DAPK1: variants seen among roughly 807,000 people sequenced by gnomAD.
DAPK1 encodes death-associated protein kinase 1.
DAPK1 carries 56 observed loss-of-function variants against 144.9 expected under a neutral mutation model. That is an observed-to-expected ratio of 0.39 (90% confidence interval 0.31 to 0.48). DAPK1 has a LOEUF of 0.48. Among genes scored for constraint, DAPK1 ranks in the 20% least tolerant of loss-of-function variants. The pLI is 0.95. For synonymous variants in DAPK1, 690 were observed against 749.0 expected (o/e 0.92, Z 1.29); for missense variants, 1,454 against 1,875.4 (o/e 0.78, Z 4.15).
intron 2 of DAPK1, among the ~76,000 whole-genome samples, chr9:87,532,681 A>G (rs557664834): frequency 1.3e-5 from 2 of 152,338 alleles, no homozygotes; most frequent in East Asian, 3.9e-4. Flanking sequence ...GGAGCCAGGC[A>G]TTCATAATAG....
intron 2 of DAPK1, among the ~76,000 whole-genome samples, chr9:87,563,820 C>T (rs1429911512): frequency 6.6e-6 from 1 of 152,172 alleles, no homozygotes; most frequent in Non-Finnish European, 1.5e-5. Context: ...GCCCATGTTG[C>T]AACCCACAGA....
intron 2 of DAPK1, among the ~76,000 whole-genome samples, chr9:87,562,780 A>G (rs931972044): frequency 1.3e-5 from 2 of 152,256 alleles, no homozygotes; most frequent in African/African-American, 4.8e-5. Context: ...TCATCAAATA[A>G]TAGCATGTCA....
chr9:87,578,416 C>G (rs980308988), intron 2 of DAPK1, among the ~76,000 whole-genome samples: 2 of 152,196 alleles, frequency 1.3e-5, no homozygotes, highest in Admixed American at 1.3e-4. Context: ...GAATGTCATT[C>G]TTTTCTTCCA....
rs557781266 is a variant in DAPK1, at chr9:87,653,974, A to G, written c.1824+2250A>G. 1.3e-3 allele frequency among the ~76,000 whole-genome samples: 191 copies of G among 152,338 alleles called. 1 individual carries two copies. Among genetic ancestry groups the G allele is most frequent in the African/African-American group, 4.3e-3 (179 of 41,580 alleles). ...CCCCCAATGTGCTGGGTTTACAGGC[A>G]TGAGCCATCACACCTGGCCCTATAT... On this transcript the variant is annotated intron_variant, in intron 17 of 25. Transcript: ENST00000408954.
At chr9:87,583,052 A>G (rs1012836873) in intron 2 of DAPK1, among the ~76,000 whole-genome samples, 1 of 152,146 alleles carries the variant, frequency 6.6e-6, no homozygotes, top group Non-Finnish European at 1.5e-5. Flanking sequence ...GGGTATATAC[A>G]GTTGGCCACT....
At chr9:87,556,208 G>T (rs1462135050) in intron 2 of DAPK1, among the ~76,000 whole-genome samples, 2 of 152,150 alleles carry the variant, frequency 1.3e-5, no homozygotes, top group Non-Finnish European at 2.9e-5. Flanking sequence ...TGTGTGGGCT[G>T]GCATTGTTCT....
chr9:87,506,336 T>C (rs1256558233), intron 2 of DAPK1, among the ~76,000 whole-genome samples: 1 of 152,226 alleles, frequency 6.6e-6, no homozygotes, highest in Non-Finnish European at 1.5e-5. Flanking sequence ...GGCAACAGGG[T>C]CTGCCCTTTG....
At chr9:87,612,139 C>T (rs1356057489) in intron 3 of DAPK1, among the ~76,000 whole-genome samples, 1 of 152,144 alleles carries the variant, frequency 6.6e-6, no homozygotes, top group Non-Finnish European at 1.5e-5. Context: ...TGGAGGAGCC[C>T]TTATGGCCTA....
chr9:87,549,256 C>T (rs1175211507), intron 2 of DAPK1, among the ~76,000 whole-genome samples: 1 of 152,140 alleles, frequency 6.6e-6, no homozygotes, highest in South Asian at 2.1e-4. Context: ...CATGTCCCTG[C>T]AGAGGACATG....
At position 87,707,207 on chromosome 9, in the gene DAPK1, A is replaced by T. The variant is rs753574172; in HGVS notation, c.4136A>T (p.Lys1379Ile). The T allele has an allele frequency of 1.9e-6, 3 of 1,614,040 alleles. No homozygotes were observed. In the East Asian group the frequency reaches 6.7e-5, roughly 36 times the overall value. ...AGCACAGTGGGCACCCTCATGTCCA[A>T]ACTGAGGGAGCTGGGTCGCCGGGAT... ...PESTVGTLMS[K>I]LRELGRRDAA... Residue 1379 changes from lysine to isoleucine, a missense_variant, in exon 26 of 26, where the codon AAA (lysine) becomes ATA (isoleucine). Lys to Ile is a moderately radical substitution (Grantham distance 102). Transcript: ENST00000408954. This position sits in a 1 kb window ranked among gnomAD's most constrained non-coding sequence, Gnocchi z 4.0.
intron 2 of DAPK1, among the ~76,000 whole-genome samples, chr9:87,536,371 G>A (rs1197513429): frequency 1.3e-5 from 2 of 152,288 alleles, no homozygotes; most frequent in East Asian, 1.9e-4. Context: ...GCGTGAGCAT[G>A]TGACCCATGT....
At chr9:87,668,765 G>A (rs1831150085) in intron 19 of DAPK1, 91 bp downstream of exon 19, 2 of 837,942 alleles carry the variant, frequency 2.4e-6, no homozygotes, top group Non-Finnish European at 4.2e-6. Flanking sequence ...TGAGCAAAAT[G>A]AGGCTCTAGA....
At chr9:87,590,574 GT>G (rs1828094775) in intron 2 of DAPK1, among the ~76,000 whole-genome samples, 1 of 151,380 alleles carries the variant, frequency 6.6e-6, no homozygotes, top group Non-Finnish European at 1.5e-5. Context: ...TGAATAATTT[GT>G]GCTACTTAAA....
intron 2 of DAPK1, among the ~76,000 whole-genome samples, chr9:87,505,233 A>T (rs1824541779): frequency 1.3e-5 from 2 of 152,214 alleles, no homozygotes; most frequent in Non-Finnish European, 2.9e-5. Flanking sequence ...ATGAGTACCT[A>T]ACATTTTGTA....
At chr9:87,667,647 T>G (rs1029904328) in intron 18 of DAPK1, 3 of 152,208 alleles carry the variant, frequency 2.0e-5, no homozygotes, top group Non-Finnish European at 4.4e-5. Context: ...TCCCTAAGCT[T>G]CTACAAGGAT....
intron 2 of DAPK1, among the ~76,000 whole-genome samples, chr9:87,510,901 A>T (rs1222953577): frequency 1.3e-5 from 2 of 152,240 alleles, no homozygotes; most frequent in African/African-American, 4.8e-5. Flanking sequence ...TGTCTGTGAT[A>T]TGTATAAAGT....
At position 87,546,484 on chromosome 9, in the gene DAPK1, G is replaced by C. The variant is rs1290494770; in HGVS notation, c.62+47345G>C. On this transcript the variant is annotated intron_variant, in intron 2 of 25. Coordinates refer to ENST00000408954, the MANE Select transcript of DAPK1 (RefSeq NM_004938.4). ...TAGGAGGTAGGGGTGGGTGGTCTGA[G>C]CTCTGAATTGGTTGGGTCTGCATAG... is the stretch of plus-strand genomic sequence containing the variant. Among the ~76,000 whole-genome samples, 3 of 152,280 alleles carry C rather than the reference G, an allele frequency of 2.0e-5. No individual in the cohort carries two copies. The South Asian group carries it at 6.2e-4, about 32-fold the overall frequency.
chr9:87,665,081 C>A (rs1831003666), intron 18 of DAPK1, among the ~76,000 whole-genome samples: 1 of 152,142 alleles, frequency 6.6e-6, no homozygotes, highest in Non-Finnish European at 1.5e-5. Context: ...TCTGGACCAC[C>A]CTATTTTAAA....
chr9:87,520,555 G>C (rs965780711), intron 2 of DAPK1, among the ~76,000 whole-genome samples: 3 of 152,196 alleles, frequency 2.0e-5, no homozygotes, highest in Admixed American at 6.5e-5. Flanking sequence ...GTTTGAAGCA[G>C]GTGTTTAAAA....
Sources: gnomAD v4.1 joint callset for allele counts (sites outside exome capture counted in the v4.1 genomes callset) on GRCh38, gnomAD v4.1.1 for gene constraint, Gnocchi (gnomAD v3.1) non-coding constraint, MANE v1.5 for transcripts, NCBI Gene and HGNC (gene_info 2026-07-23, HGNC 2026-07-21) for gene names.